The following VPS13D variants were observed in gnomAD, a reference collection of about 807,000 sequenced individuals.
VPS13D encodes vacuolar protein sorting 13 homolog D, also known as intermembrane lipid transfer protein VPS13D.
In VPS13D, 187 loss-of-function variants were observed where a neutral mutation model predicts 461.9. The ratio of observed to expected loss-of-function variants is 0.40; its 90% confidence interval spans 0.36 to 0.46. The LOEUF (loss-of-function observed/expected upper bound fraction) is 0.46. VPS13D is among the 20% of genes least tolerant of loss of function. VPS13D has a pLI of 0.60. For missense variants in VPS13D, 4,711 were observed against 5,364.9 expected (o/e 0.88, Z 3.81); for synonymous variants, 1,951 against 1,986.3 (o/e 0.98, Z 0.47).
At chr1:12,478,332 G>A (rs953322557) in intron 67 of VPS13D, among the ~76,000 whole-genome samples, 3 of 152,240 alleles carry the variant, frequency 2.0e-5, no homozygotes, top group Non-Finnish European at 4.4e-5. Flanking sequence ...TAACCAGCAC[G>A]ACGAAAAGGA....
In VPS13D at chr1:12,341,778, A is replaced by T; in HGVS notation, c.8627-2A>T. ...CTCATAGCCTTCTTCTGTTTGTCGT[A>T]GCAGAGGTGAAAACCCCCAAGCGCC... On this transcript the variant is annotated splice_acceptor_variant, in intron 40 of 69. Coordinates refer to ENST00000620676, the MANE Select transcript of VPS13D (RefSeq NM_015378.4). LOFTEE classifies it high-confidence loss of function. 1 of 1,613,696 alleles carries T rather than the reference A, an allele frequency of 6.2e-7. No individual in the cohort carries two copies. The highest frequency in any genetic ancestry group is 8.5e-7 in the Non-Finnish European group (1 of 1,179,808).
In VPS13D at chr1:12,282,842, C is replaced by T. The variant is rs768264439; in HGVS notation, c.4740C>T (p.Thr1580=). Residue 1580 remains threonine (T), a synonymous_variant, in exon 21 of 70, where the codon ACC becomes ACT. Coordinates refer to ENST00000620676, the MANE Select transcript of VPS13D (RefSeq NM_015378.4). Reference sequence around the variant, plus strand: ...ATTCTCCTCTGCCTCCCCTCAGTACCTGTGGAGAATCTTCTGTTGAAAGGA... The same window carrying T: ...ATTCTCCTCTGCCTCCCCTCAGTACTTGTGGAGAATCTTCTGTTGAAAGGA... The part of the protein sequence containing the change: ...CPDSPLPPLS[T]CGESSVERKE... The T allele has an allele frequency of 2.5e-6, 4 of 1,614,152 alleles. No homozygotes were observed. The highest frequency in any genetic ancestry group is 1.7e-5 in the Admixed American group (1 of 60,018).
In VPS13D at chr1:12,258,180, G is replaced by C. The variant is rs1437422381; in HGVS notation, c.1110+77G>C. On this transcript the variant is annotated intron_variant, in intron 10 of 69. Coordinates refer to ENST00000620676, the MANE Select transcript of VPS13D (RefSeq NM_015378.4). The stretch of plus-strand genomic sequence containing the variant: ...TTCTCTCAAAGACTAAAGAAAATGG[G>C]ATCTGTGAAGTAATAAAGTCCCATG... The C allele has an allele frequency of 2.6e-6, 4 of 1,546,878 alleles. No homozygotes were observed. In the South Asian group the frequency reaches 4.7e-5, roughly 18 times the overall value.
chr1:12,429,503 G>A (rs955759108), intron 65 of VPS13D, among the ~76,000 whole-genome samples: 7 of 152,126 alleles, frequency 4.6e-5, no homozygotes, highest in African/African-American at 1.7e-4. Context: ...ATGTTGGCCA[G>A]CTTGTCTCAA....
At chr1:12,256,807 T>G (rs1484218319) in intron 8 of VPS13D, among the ~76,000 whole-genome samples, 180 bp from the exon 9 acceptor site, 1 of 152,076 alleles carries the variant, frequency 6.6e-6, no homozygotes, top group Non-Finnish European at 1.5e-5. Context: ...ATGTATAGGC[T>G]TAACTGTCAG....
chr1:12,282,629 C>T, intron 20 of VPS13D, 76 bp from the exon 21 acceptor site: 1 of 1,360,970 alleles, frequency 7.3e-7, no homozygotes, highest in Non-Finnish European at 1.0e-6. Flanking sequence ...CATGTGGCAA[C>T]TGTAGACATT....
At position 12,372,210 on chromosome 1, in the gene VPS13D, C is replaced by T. The variant is rs151228925; in HGVS notation, c.10809-1540C>T. ...CTGGGACTACAGGTATGCAGCACCACGCCCAGCTAATTGAAAAAAAATTTT... is the reference window on the plus strand; with the variant it reads ...CTGGGACTACAGGTATGCAGCACCATGCCCAGCTAATTGAAAAAAAATTTT... On this transcript the variant is annotated intron_variant, in intron 54 of 69. Transcript: ENST00000620676. Among the ~76,000 whole-genome samples, 50 of 152,212 alleles carry T rather than the reference C, an allele frequency of 3.3e-4. No individual in the cohort carries two copies. In the East Asian group the frequency reaches 3.9e-3, roughly 12 times the overall value.
At chr1:12,329,464 G>A (rs141385278) in intron 36 of VPS13D, among the ~76,000 whole-genome samples, 2,162 of 152,136 alleles carry the variant, frequency 0.014, 111 homozygotes, top group Admixed American at 0.1. Context: ...CACCCACCTT[G>A]GCCTCTCAAA....
chr1:12,490,671 A>G (rs568324919), intron 67 of VPS13D, among the ~76,000 whole-genome samples: 1 of 151,746 alleles, frequency 6.6e-6, no homozygotes, highest in African/African-American at 2.4e-5. Flanking sequence ...AGCCCATGGC[A>G]TGGTGGGAGC....
chr1:12,270,408 G>A (rs1443127639), intron 16 of VPS13D, among the ~76,000 whole-genome samples: 1 of 150,500 alleles, frequency 6.6e-6, no homozygotes, highest in African/African-American at 2.4e-5. Flanking sequence ...CCAAGATCAT[G>A]CCACTGCACT....
intron 67 of VPS13D, among the ~76,000 whole-genome samples, chr1:12,470,154 A>G (rs1254398957): frequency 6.6e-6 from 1 of 152,240 alleles, no homozygotes; most frequent in Non-Finnish European, 1.5e-5. Context: ...CCCAAACTGT[A>G]TCATAAAATC....
rs1184870063 is a variant in VPS13D at position 12,510,260 on chromosome 1, G to A, written c.*1236G>A. 6.6e-6 allele frequency: 1 copy of A among 152,172 alleles called. No homozygotes were observed. Among genetic ancestry groups the A allele is most frequent in the Non-Finnish European group, 1.5e-5 (1 of 68,026 alleles). 9.4% of individuals were successfully genotyped at this position (152,172 alleles called of 1,614,324 possible). On this transcript the variant is annotated 3_prime_UTR_variant, in exon 70 of 70. Coordinates refer to ENST00000620676, the MANE Select transcript of VPS13D (RefSeq NM_015378.4). The stretch of plus-strand genomic sequence containing the variant: ...TTTTTGGTGTTTCGCTTTTCTGTAA[G>A]GATTAAGCAGATAGGGAGAAGGGAA...
At chr1:12,258,864 A>G (rs1455484717) in intron 10 of VPS13D, among the ~76,000 whole-genome samples, 1 of 152,174 alleles carries the variant, frequency 6.6e-6, no homozygotes, top group Non-Finnish European at 1.5e-5. Flanking sequence ...GTGGTCAGTG[A>G]GGGCAATGCT....
In VPS13D at chr1:12,505,981, G is replaced by T. The variant is rs1387562860; in HGVS notation, c.12795-872G>T. Among the ~76,000 whole-genome samples the T allele has an allele frequency of 6.6e-6, 1 of 152,252 alleles. No homozygotes were observed. Among genetic ancestry groups the T allele is most frequent in the Non-Finnish European group, 1.5e-5 (1 of 68,048 alleles). On this transcript the variant is annotated intron_variant, in intron 68 of 69. Coordinates refer to ENST00000620676, the MANE Select transcript of VPS13D (RefSeq NM_015378.4). The surrounding 1 kb of genome is among the most constrained non-coding windows in gnomAD (Gnocchi z 4.2). ...ACTTCCAGGTGGAGCCTGGCTCTGAGCAATTCAGTTTGCCAGCAGGAGCTC... is the reference window on the plus strand; with the variant it reads ...ACTTCCAGGTGGAGCCTGGCTCTGATCAATTCAGTTTGCCAGCAGGAGCTC...
Position 12,283,450 on chromosome 1 carries a change from C to G in VPS13D, c.5348C>G (p.Ser1783Cys), listed in dbSNP as rs1470851597. 1 of 1,614,194 alleles carries G rather than the reference C, an allele frequency of 6.2e-7. No individual in the cohort carries two copies. Among genetic ancestry groups the G allele is most frequent in the Admixed American group, 1.7e-5 (1 of 60,028 alleles). The change falls in exon 21 of 70, where the codon TCC becomes TGC. Residue 1783 changes from serine (S) to cysteine (C), a missense_variant. By Grantham distance (112) the Ser-to-Cys change is moderately radical (BLOSUM62 -1). Coordinates refer to ENST00000620676, the MANE Select transcript of VPS13D (RefSeq NM_015378.4). ...ILVGKSKFDD[S>C]LVHINIFLVD... ...GTTGGAAAGAGTAAATTTGATGATTCCTTAGTCCACATCAACATATTCTTG... is the reference window on the plus strand; with the variant it reads ...GTTGGAAAGAGTAAATTTGATGATTGCTTAGTCCACATCAACATATTCTTG...
intron 59 of VPS13D, 89 bp downstream of exon 59, chr1:12,385,462 C>A: frequency 9.4e-7 from 1 of 1,067,428 alleles, no homozygotes; most frequent in Admixed American, 2.4e-5. Flanking sequence ...TGTTTTCTTT[C>A]TATCCTGTAT....
Position 12,279,553 on chromosome 1 carries a change from T to A in VPS13D, c.4505T>A (p.Ile1502Lys), listed in dbSNP as rs1641716186. ...CAGTTTAAACTGGAGAAGATCCCTA[T>A]AGAGAGAGAATCTGAATTGACTTTT... Reference protein sequence around the residue: ...TIQFKLEKIPIERESELTFSL... With the variant: ...TIQFKLEKIPKERESELTFSL... Residue 1502 changes from isoleucine (I) to lysine (K), a missense_variant, in exon 20 of 70, where the codon ATA (isoleucine) becomes AAA (lysine). Around this residue, in one of 3 missense-constraint regions of VPS13D, gnomAD observed 4,411 missense variants for 4,937.8 expected, o/e 0.89. Transcript: ENST00000620676. The surrounding 1 kb of genome is among the most constrained non-coding windows in gnomAD (Gnocchi z 4.3). 1 of 1,613,116 alleles carries A rather than the reference T, an allele frequency of 6.2e-7. No individual in the cohort carries two copies. The highest frequency in any genetic ancestry group is 8.5e-7 in the Non-Finnish European group (1 of 1,179,332).
chr1:12,305,771 C>G (rs141173083), intron 26 of VPS13D, among the ~76,000 whole-genome samples: 1 of 152,102 alleles, frequency 6.6e-6, no homozygotes, highest in Non-Finnish European at 1.5e-5. Flanking sequence ...TACATAGATC[C>G]GAGGAATTGT....
rs148479872 is a variant in VPS13D at position 12,301,141 on chromosome 1, T to C, written c.6216+1757T>C. Among the ~76,000 whole-genome samples the C allele has an allele frequency of 1.3e-3, 200 of 152,374 alleles. 1 individual carries two copies. The highest frequency in any genetic ancestry group is 4.6e-3 in the African/African-American group (191 of 41,586). On this transcript the variant is annotated intron_variant, in intron 25 of 69. Coordinates refer to ENST00000620676, the MANE Select transcript of VPS13D (RefSeq NM_015378.4). ...CAGCCAGTGCTGTGCTCTTTACATA[T>C]AAAAGGAAACAGCTCCCAATGCTTC...
Sources: gnomAD v4.1 joint callset for allele counts (sites outside exome capture counted in the v4.1 genomes callset) on GRCh38, gnomAD v4.1.1 for gene constraint, gnomAD v4.1.1 regional missense constraint, Gnocchi (gnomAD v3.1) non-coding constraint, MANE v1.5 for transcripts, NCBI Gene and HGNC (gene_info 2026-07-23, HGNC 2026-07-21) for gene names.